Variants in FMNL2 observed in about 807,000 individuals in gnomAD.
The protein encoded by FMNL2 is formin-like protein 2.
Under a neutral mutation model 130.2 loss-of-function variants are expected in FMNL2, and 51 were observed. The observed-to-expected ratio is 0.39, with a 90% CI of 0.31 to 0.49. The LOEUF is 0.49. Ranked by LOEUF, FMNL2 falls within the 20% of genes least tolerant of loss-of-function variation. The probability of loss-of-function intolerance (pLI) is 0.85; values close to 1 mark genes in which losing one functional copy is unlikely to be tolerated. For synonymous variants in FMNL2, 465 were observed against 467.1 expected (o/e 1.00, Z 0.06); for missense variants, 977 against 1,316.2 (o/e 0.74, Z 3.99).
chr2:152,425,955 G>T (rs566151172), intron 1 of FMNL2, among the ~76,000 whole-genome samples: 1 of 152,184 alleles, frequency 6.6e-6, no homozygotes. Flanking sequence ...ATTTTCTGTG[G>T]AGGATTCTCT....
intron 1 of FMNL2, among the ~76,000 whole-genome samples, chr2:152,338,683 A>C (rs1273139544): frequency 6.6e-6 from 1 of 152,184 alleles, no homozygotes; most frequent in Non-Finnish European, 1.5e-5. Flanking sequence ...TAATCCTCCC[A>C]AGGATAGGTA....
rs561819479 is a variant in FMNL2 at position 152,353,978 on chromosome 2, C to G, written c.117+18258C>G. The stretch of plus-strand genomic sequence containing the variant: ...CTTGCCATAAGATTGTACCTACTGA[C>G]CTTCTGTGATACATCAGTGTTTTCA... On this transcript the variant is annotated intron_variant, in intron 1 of 25. Transcript: ENST00000288670. Among the ~76,000 whole-genome samples, 229 of 152,288 alleles carry G rather than the reference C, an allele frequency of 1.5e-3. 1 individual carries two copies. The highest frequency in any genetic ancestry group is 5.2e-3 in the African/African-American group (218 of 41,558).
At chr2:152,450,772 C>T (rs1365852403) in intron 1 of FMNL2, among the ~76,000 whole-genome samples, 5 of 152,196 alleles carry the variant, frequency 3.3e-5, no homozygotes, top group Non-Finnish European at 7.3e-5. Flanking sequence ...GTCTCCTGCC[C>T]AAGCTCTCAC....
intron 1 of FMNL2, among the ~76,000 whole-genome samples, chr2:152,455,785 G>C (rs111959689): frequency 0.078 from 11,823 of 152,236 alleles, 699 homozygotes; most frequent in Admixed American, 0.21. Context: ...TGTGATCATA[G>C]CTCACTGCAA....
At chr2:152,614,586 T>C (rs1304632357) in intron 11 of FMNL2, among the ~76,000 whole-genome samples, 2 of 151,446 alleles carry the variant, frequency 1.3e-5, no homozygotes, top group East Asian at 1.9e-4. Flanking sequence ...CTACTAAAAA[T>C]ACAAAAATTA....
intron 1 of FMNL2, among the ~76,000 whole-genome samples, chr2:152,444,596 G>T (rs1218990246): frequency 6.6e-6 from 1 of 152,214 alleles, no homozygotes; most frequent in Non-Finnish European, 1.5e-5. Context: ...ATCCTAATGG[G>T]AGGTAGTGAG....
intron 2 of FMNL2, among the ~76,000 whole-genome samples, chr2:152,532,429 A>T (rs1040492216): frequency 2.6e-5 from 4 of 152,124 alleles, no homozygotes; most frequent in African/African-American, 4.8e-5. Flanking sequence ...TGGTATTGTC[A>T]GTCCGTTAAA....
chr2:152,567,592 A>G (rs1427867667), intron 6 of FMNL2, among the ~76,000 whole-genome samples: 1 of 152,202 alleles, frequency 6.6e-6, no homozygotes, highest in Non-Finnish European at 1.5e-5. Context: ...ATTGATAGAA[A>G]AAATATGCCC....
intron 6 of FMNL2, among the ~76,000 whole-genome samples, chr2:152,573,220 T>C (rs1255224405): frequency 2.0e-5 from 3 of 152,220 alleles, no homozygotes; most frequent in African/African-American, 7.2e-5. Context: ...TATGCTGCTG[T>C]TTTTGACAAA....
intron 1 of FMNL2, among the ~76,000 whole-genome samples, chr2:152,500,377 C>T (rs533542146): frequency 6.6e-6 from 1 of 152,300 alleles, no homozygotes; most frequent in South Asian, 2.1e-4. Context: ...TGTTCTATCT[C>T]CTCCTCCTCT....
intron 1 of FMNL2, among the ~76,000 whole-genome samples, chr2:152,353,882 T>C (rs570473399): frequency 5.3e-4 from 67 of 127,506 alleles, no homozygotes; most frequent in Admixed American, 8.0e-4. Flanking sequence ...CAACCTCAAA[T>C]GTGAAGAACA....
intron 1 of FMNL2, among the ~76,000 whole-genome samples, chr2:152,337,279 C>T (rs1046119886): frequency 1.3e-5 from 2 of 152,152 alleles, no homozygotes; most frequent in Non-Finnish European, 1.5e-5. Context: ...CAGAGACAAA[C>T]GTTTTTCTTC....
chr2:152,621,124 C>G, intron 15 of FMNL2: 1 of 985,420 alleles, frequency 1.0e-6, no homozygotes, highest in Non-Finnish European at 1.2e-6. Context: ...CCATTATCGT[C>G]CCGTGCACCT....
intron 2 of FMNL2, among the ~76,000 whole-genome samples, chr2:152,536,561 A>G (rs1694004953): frequency 6.6e-6 from 1 of 152,228 alleles, no homozygotes; most frequent in Non-Finnish European, 1.5e-5. Context: ...AAAATGAATT[A>G]TTTTAGGATC....
chr2:152,395,281 A>G (rs1001927222), intron 1 of FMNL2, among the ~76,000 whole-genome samples: 1 of 152,194 alleles, frequency 6.6e-6, no homozygotes, highest in Admixed American at 6.5e-5. Context: ...ACCCTACACA[A>G]GAGTTAAAGA....
chr2:152,523,326 T>C (rs978422616), intron 2 of FMNL2, among the ~76,000 whole-genome samples: 12 of 152,170 alleles, frequency 7.9e-5, no homozygotes, highest in African/African-American at 2.9e-4. Context: ...ATTTGTGGCC[T>C]GAGCCACAAA....
chr2:152,591,168 C>T (rs1697419111), intron 9 of FMNL2, among the ~76,000 whole-genome samples: 1 of 151,676 alleles, frequency 6.6e-6, no homozygotes, highest in Admixed American at 6.6e-5. Context: ...GCCACCACGC[C>T]TGGCTAATTT....
At chr2:152,506,566 C>T (rs1692181929) in intron 1 of FMNL2, among the ~76,000 whole-genome samples, 1 of 151,932 alleles carries the variant, frequency 6.6e-6, no homozygotes, top group Non-Finnish European at 1.5e-5. Flanking sequence ...TGGTTGAATC[C>T]ACAGATGTGG....
intron 1 of FMNL2, among the ~76,000 whole-genome samples, chr2:152,429,898 A>G (rs1035778582): frequency 3.4e-4 from 51 of 152,154 alleles, no homozygotes; most frequent in African/African-American, 1.2e-3. Context: ...CAGCTCAACA[A>G]TTCTGTGCAT....
Sources: allele counts gnomAD v4.1 joint callset (sites outside exome capture counted in the v4.1 genomes callset), GRCh38; gene constraint gnomAD v4.1.1; transcripts MANE v1.5; gene names NCBI Gene and HGNC (gene_info 2026-07-23, HGNC 2026-07-21).